Variants in SPATA21 observed in about 807,000 individuals in gnomAD.
SPATA21 encodes spermatogenesis associated 21.
A neutral mutation model predicts 54.8 loss-of-function variants in SPATA21; 47 were observed. The ratio of observed to expected loss-of-function variants is 0.86; its 90% CI spans 0.68 to 1.09. SPATA21 has a LOEUF of 1.09. Among genes scored for constraint, SPATA21 ranks in the 50% least tolerant of loss-of-function variants. SPATA21 has a pLI of 0.00. For synonymous variants in SPATA21, 245 were observed against 235.3 expected, an observed-to-expected ratio of 1.04 and a Z score of -0.38; for missense variants, 599 against 596.4, an observed-to-expected ratio of 1.00 and a Z score of -0.05.
intron 10 of SPATA21, 34 bp downstream of exon 10, chr1:16,403,693 C>G (rs1211030775): frequency 6.3e-7 from 1 of 1,583,878 alleles, no homozygotes; most frequent in Non-Finnish European, 8.7e-7. Context: ...TCTGTGTCCA[C>G]AACCCTTCAC....
At chr1:16,435,620 C>CA (rs1225628290) in intron 1 of SPATA21, among the ~76,000 whole-genome samples, 4 of 150,536 alleles carry the variant, frequency 2.7e-5, no homozygotes, top group Non-Finnish European at 5.9e-5. Flanking sequence ...CCCGGCCCCC[C>CA]CCTTTTTTTT....
In SPATA21 at chr1:16,399,366, G is replaced by T. The variant is rs1159023185; in HGVS notation, c.1330C>A (p.Gln444Lys). Residue 444 changes from glutamine to lysine, a missense_variant, in exon 12 of 13, where the codon CAG becomes AAG. Coordinates refer to ENST00000335496, the MANE Select transcript of SPATA21 (RefSeq NM_198546.1). The part of the protein sequence containing the change: ...LDPDIRSPFF[Q>K]SGSQGNREHN... ...CACCTGTTTCCTTGAGATCCTGACTGGAAGAAGGGGCTGCGGATGTCAGGA... is the reference window on the plus strand; with the variant it reads ...CACCTGTTTCCTTGAGATCCTGACTTGAAGAAGGGGCTGCGGATGTCAGGA... The T allele has an allele frequency of 6.2e-7, 1 of 1,613,504 alleles. No individual in the cohort carries two copies. Among genetic ancestry groups the T allele is most frequent in the East Asian group, 2.2e-5 (1 of 44,852 alleles).
At position 16,431,378 on chromosome 1, in the gene SPATA21, A is replaced by G. The variant is rs758451483; in HGVS notation, c.-7T>C. On this transcript the variant is annotated 5_prime_UTR_variant, in exon 3 of 13. Coordinates refer to ENST00000335496, the MANE Select transcript of SPATA21 (RefSeq NM_198546.1). ...GGGTGTTTCTATTGTCCATGATGCC[A>G]GCGCCAACACGGGTGCCAAGTGAGG... is the stretch of plus-strand genomic sequence containing the variant. 2 of 1,614,078 alleles carry G rather than the reference A, an allele frequency of 1.2e-6. No individual in the cohort carries two copies. Among genetic ancestry groups the G allele is most frequent in the Admixed American group, 3.3e-5 (2 of 60,008 alleles).
intron 12 of SPATA21, 88 bp from the exon 13 acceptor site, chr1:16,398,910 G>T: frequency 7.7e-7 from 1 of 1,305,090 alleles, no homozygotes; most frequent in Non-Finnish European, 1.1e-6. Context: ...GTGCCCAAGT[G>T]AGGAGAGAGA....
chr1:16,402,713 G>A (rs1281233466), intron 10 of SPATA21, among the ~76,000 whole-genome samples: 1 of 151,446 alleles, frequency 6.6e-6, no homozygotes, highest in Non-Finnish European at 1.5e-5. Context: ...ACACCATCTT[G>A]CCCAGCAACA....
downstream of SPATA21, chr1:16,396,002 TTCCCC>T (rs2085305751): frequency 6.6e-6 from 1 of 152,644 alleles, no homozygotes; most frequent in Admixed American, 6.5e-5. Context: ...GTGAACCGAC[TTCCCC>T]TTCCCATACC....
chr1:16,435,883 A>C (rs2086574346), intron 1 of SPATA21, among the ~76,000 whole-genome samples: 1 of 152,168 alleles, frequency 6.6e-6, no homozygotes, highest in African/African-American at 2.4e-5. Context: ...GATCTGCAAA[A>C]ATTTTCTCCC....
At chr1:16,424,242 G>T (rs1401823719) in intron 3 of SPATA21, among the ~76,000 whole-genome samples, 1 of 2,132 alleles carries the variant, frequency 4.7e-4, no homozygotes, top group Non-Finnish European at 9.0e-4. Context: ...GAACCTGGGA[G>T]GCAGAGCTTG....
At chr1:16,401,845 GCTAGA>G (rs2085458137) in intron 10 of SPATA21, among the ~76,000 whole-genome samples, 1 of 152,016 alleles carries the variant, frequency 6.6e-6, no homozygotes, top group Admixed American at 6.6e-5. Context: ...CTTTTCCCCC[GCTAGA>G]CTACAACATC....
At chr1:16,435,323 C>A (rs919350244) in intron 1 of SPATA21, among the ~76,000 whole-genome samples, 2 of 151,186 alleles carry the variant, frequency 1.3e-5, no homozygotes, top group African/African-American at 4.9e-5. Flanking sequence ...GAGCCTTCGT[C>A]CTTTTTTTTT....
chr1:16,423,477 C>T (rs1161354874), intron 3 of SPATA21, among the ~76,000 whole-genome samples: 1 of 146,796 alleles, frequency 6.8e-6, no homozygotes, highest in African/African-American at 2.5e-5. Context: ...TATTACTGAG[C>T]AACCAAAAGA....
intron 1 of SPATA21, among the ~76,000 whole-genome samples, chr1:16,435,507 C>G (rs764099055): frequency 6.6e-6 from 1 of 151,820 alleles, no homozygotes; most frequent in Non-Finnish European, 1.5e-5. Context: ...AGTAGAGACG[C>G]GGTTTTGCCA....
At chr1:16,417,881 C>A (rs1040986049) in intron 5 of SPATA21, among the ~76,000 whole-genome samples, 15 of 152,182 alleles carry the variant, frequency 9.9e-5, no homozygotes, top group African/African-American at 3.1e-4. Flanking sequence ...GCCCTGGGCG[C>A]CCTTTCTACT....
rs928605298 is a variant in SPATA21, at chr1:16,430,438, TAAAC to T, written c.34+896_34+899del. Among the ~76,000 whole-genome samples the T allele has an allele frequency of 1.9e-4, 29 of 151,988 alleles. 1 individual carries two copies. The highest frequency in any genetic ancestry group is 4.2e-4 in the South Asian group (2 of 4,816). ...AGAGAGTGAGAGCCTGTCTCAAAAATAAACAAACAAACAAACTAATAAACATATT... is the reference window on the plus strand; with the variant it reads ...AGAGAGTGAGAGCCTGTCTCAAAAATAAACAAACAAACTAATAAACATATT... On this transcript the variant is annotated intron_variant, in intron 3 of 12. Transcript: ENST00000335496.
intron 3 of SPATA21, among the ~76,000 whole-genome samples, chr1:16,424,711 G>A (rs1385068348): frequency 1.3e-5 from 2 of 152,168 alleles, no homozygotes; most frequent in East Asian, 1.9e-4. Flanking sequence ...ACGGCGCCTG[G>A]CCTCTAATCA....
chr1:16,422,025 C>G (rs1194255646), intron 3 of SPATA21, 54 bp from the exon 4 acceptor site: 3 of 1,613,594 alleles, frequency 1.9e-6, no homozygotes, highest in East Asian at 2.2e-5. Context: ...GTCCCCATGT[C>G]CCCCTGGGCT....
rs1472153195 is a variant in SPATA21, at chr1:16,421,907, T to G, written c.95+4A>C. 2 of 1,614,076 alleles carry G rather than the reference T, an allele frequency of 1.2e-6. No individual in the cohort carries two copies. The highest frequency in any genetic ancestry group is 1.7e-6 in the Non-Finnish European group (2 of 1,180,036). The stretch of plus-strand genomic sequence containing the variant: ...GCAGGGGATGGCACTGGATGATGAC[T>G]TACCCTCCTTTTGCTTTTTTAGGTC... On this transcript the variant is annotated splice_donor_region_variant and intron_variant, in intron 4 of 12. Coordinates refer to ENST00000335496, the MANE Select transcript of SPATA21 (RefSeq NM_198546.1). This position sits in a 1 kb window ranked among gnomAD's most constrained non-coding sequence, Gnocchi z 5.2.
At chr1:16,437,586 C>T (rs1313739921), upstream of SPATA21, among the ~76,000 whole-genome samples, 1 of 152,160 alleles carries the variant, frequency 6.6e-6, no homozygotes, top group Non-Finnish European at 1.5e-5. Flanking sequence ...TGCTTCATTA[C>T]AGTACCTTTC....
intron 1 of SPATA21, among the ~76,000 whole-genome samples, chr1:16,436,681 G>A (rs539113723): frequency 2.0e-5 from 3 of 151,866 alleles, no homozygotes; most frequent in South Asian, 2.1e-4. Flanking sequence ...CAGGAGAATC[G>A]CTTGAACCTG....
Sources: allele counts gnomAD v4.1 joint callset (sites outside exome capture counted in the v4.1 genomes callset), GRCh38; gene constraint gnomAD v4.1.1; non-coding constraint Gnocchi (gnomAD v3.1); transcripts MANE v1.5; gene names NCBI Gene and HGNC (gene_info 2026-07-23, HGNC 2026-07-21).